Variants in DENND1A observed in about 807,000 individuals in gnomAD.
DENND1A encodes the protein DENN domain-containing protein 1A.
Under a neutral mutation model 113.7 loss-of-function variants are expected in DENND1A, and 51 were observed. That is an observed-to-expected ratio of 0.45 (90% CI 0.36 to 0.57). The LOEUF (loss-of-function observed/expected upper bound fraction) is 0.57. DENND1A is among the 20% of genes least tolerant of loss of function. The pLI is 0.00. For missense variants in DENND1A, 1,258 were observed against 1,395.9 expected (o/e 0.90, Z 1.57); for synonymous variants, 565 against 570.8 (o/e 0.99, Z 0.14).
chr9:123,497,971 C>T (rs957270950), intron 13 of DENND1A, among the ~76,000 whole-genome samples: 1 of 152,172 alleles, frequency 6.6e-6, no homozygotes, highest in Non-Finnish European at 1.5e-5. Context: ...GTTGTAATTA[C>T]TGTGCAAGGA....
At chr9:123,825,269 C>T (rs1013861568) in intron 2 of DENND1A, among the ~76,000 whole-genome samples, 2 of 151,030 alleles carry the variant, frequency 1.3e-5, no homozygotes, top group African/African-American at 4.9e-5. Context: ...TGAAAGTATT[C>T]GTGTTCCCAA....
At chr9:123,882,251 G>T (rs896492280) in intron 1 of DENND1A, among the ~76,000 whole-genome samples, 2 of 151,496 alleles carry the variant, frequency 1.3e-5, no homozygotes, top group Non-Finnish European at 2.9e-5. Flanking sequence ...CTACTGGAGA[G>T]GCCAACGCAG....
intron 13 of DENND1A, among the ~76,000 whole-genome samples, chr9:123,478,999 C>T (rs2050129962): frequency 6.6e-6 from 1 of 152,214 alleles, no homozygotes; most frequent in Non-Finnish European, 1.5e-5. Context: ...AGGCTAGGCA[C>T]TGCTTAAGCA....
intron 12 of DENND1A, among the ~76,000 whole-genome samples, chr9:123,566,006 C>G (rs1407391555): frequency 6.6e-6 from 1 of 152,086 alleles, no homozygotes; most frequent in African/African-American, 2.4e-5. Flanking sequence ...AACAAATGGC[C>G]TAGGTAGGCA....
At chr9:123,553,158 G>C (rs1309543295) in intron 13 of DENND1A, among the ~76,000 whole-genome samples, 1 of 152,194 alleles carries the variant, frequency 6.6e-6, no homozygotes, top group African/African-American at 2.4e-5. Flanking sequence ...CTGGGAGGCT[G>C]ATGTGGGAGG....
chr9:123,768,173 T>G (rs560519653), intron 4 of DENND1A, among the ~76,000 whole-genome samples: 3 of 152,190 alleles, frequency 2.0e-5, no homozygotes, highest in Admixed American at 2.0e-4. Context: ...TACTGAAATA[T>G]TCCTGGTACC....
At chr9:123,865,691 C>G (rs1323744665) in intron 2 of DENND1A, among the ~76,000 whole-genome samples, 1 of 152,170 alleles carries the variant, frequency 6.6e-6, no homozygotes, top group Non-Finnish European at 1.5e-5. Flanking sequence ...GTTTCTGAAT[C>G]CTCAAATGTG....
chr9:123,607,520 C>CAGAGAG (rs33997878), intron 11 of DENND1A, among the ~76,000 whole-genome samples: 6 of 73,876 alleles, frequency 8.1e-5, no homozygotes, highest in African/African-American at 3.4e-4. Context: ...CACACACACA[C>CAGAGAG]AGAGAGAGAG....
intron 19 of DENND1A, among the ~76,000 whole-genome samples, chr9:123,423,939 T>C (rs963832615): frequency 6.6e-6 from 1 of 152,188 alleles, no homozygotes; most frequent in Non-Finnish European, 1.5e-5. Context: ...CATAATACTG[T>C]ACATCATCCT....
At chr9:123,842,786 G>A (rs1842014536) in intron 2 of DENND1A, among the ~76,000 whole-genome samples, 1 of 152,128 alleles carries the variant, frequency 6.6e-6, no homozygotes, top group African/African-American at 2.4e-5. Context: ...CCAGTATTAT[G>A]CTGATACCAA....
intron 19 of DENND1A, among the ~76,000 whole-genome samples, chr9:123,415,727 A>C (rs1488374460): frequency 6.6e-6 from 1 of 152,170 alleles, no homozygotes; most frequent in Non-Finnish European, 1.5e-5. Context: ...CTGTGAGGCC[A>C]GTCACGAGGG....
chr9:123,656,207 G>A (rs373700200), intron 8 of DENND1A, among the ~76,000 whole-genome samples: 42 of 152,238 alleles, frequency 2.8e-4, no homozygotes, highest in African/African-American at 7.2e-4. Flanking sequence ...ACAGGGTGGG[G>A]AGAGGAGCGC....
chr9:123,711,300 A>G (rs2140940349), intron 5 of DENND1A, among the ~76,000 whole-genome samples: 1 of 151,200 alleles, frequency 6.6e-6, no homozygotes, highest in South Asian at 2.1e-4. Flanking sequence ...CCTTGTTTGT[A>G]CTAAAAATAC....
intron 5 of DENND1A, among the ~76,000 whole-genome samples, chr9:123,747,025 T>G (rs1251234721): frequency 6.6e-6 from 1 of 152,112 alleles, no homozygotes; most frequent in East Asian, 1.9e-4. Flanking sequence ...GGCTTGGGGT[T>G]GTTTTTGTTT....
intron 7 of DENND1A, among the ~76,000 whole-genome samples, chr9:123,670,964 C>T (rs2063735120): frequency 6.6e-6 from 1 of 152,164 alleles, no homozygotes; most frequent in South Asian, 2.1e-4. Context: ...GAGGGTGATA[C>T]AGGCAGGCTG....
Position 123,764,889 on chromosome 9 carries a change from C to T in DENND1A, c.182+4625G>A, listed in dbSNP as rs909063718. Among the ~76,000 whole-genome samples the T allele has an allele frequency of 2.0e-5, 3 of 152,132 alleles. No homozygotes were observed. The highest frequency in any genetic ancestry group is 7.2e-5 in the African/African-American group (3 of 41,422). On this transcript the variant is annotated intron_variant, in intron 4 of 23. Coordinates refer to ENST00000394215, the MANE Select transcript of DENND1A (RefSeq NM_001352964.2). The surrounding 1 kb of genome is among the most constrained non-coding windows in gnomAD (Gnocchi z 4.1). ...TGCTTGCTGCCTACAATAGTCTGTC[C>T]ACTAAGGCCCAGCTGCTTCGTTGTC...
Position 123,586,351 on chromosome 9 carries a change from C to T in DENND1A, c.766-3081G>A, listed in dbSNP as rs1438339076. Among the ~76,000 whole-genome samples, 5 of 152,154 alleles carry T rather than the reference C, an allele frequency of 3.3e-5. No individual in the cohort carries two copies. The East Asian group carries it at 5.8e-4, about 18-fold the overall frequency. ...CAGACCAGCCCTTGTAGGCTCTCCA[C>T]GGCTGGGCTGGAATAGGCTTTTGAT... On this transcript the variant is annotated intron_variant, in intron 11 of 23. Coordinates refer to ENST00000394215, the MANE Select transcript of DENND1A (RefSeq NM_001352964.2).
chr9:123,582,773 C>T (rs1190583710), intron 12 of DENND1A, among the ~76,000 whole-genome samples: 1 of 152,010 alleles, frequency 6.6e-6, no homozygotes, highest in Non-Finnish European at 1.5e-5. Context: ...AATCTCAGCT[C>T]AATGCAACCT....
At position 123,639,774 on chromosome 9, in the gene DENND1A, T is replaced by A. The variant is rs1421843897; in HGVS notation, c.619-9298A>T. Reference sequence around the variant, plus strand: ...CCTGGGCAACAAGAACGAAACTCCATCTCAAAAAAAAAAAAAAAAAAAACA... The same window carrying A: ...CCTGGGCAACAAGAACGAAACTCCAACTCAAAAAAAAAAAAAAAAAAAACA... On this transcript the variant is annotated intron_variant, in intron 9 of 23. Transcript: ENST00000394215. 2.2e-3 allele frequency among the ~76,000 whole-genome samples: 204 copies of A among 92,896 alleles called. 1 individual carries two copies. The highest frequency in any genetic ancestry group is 8.6e-3 in the African/African-American group (184 of 21,316). 60.9% of individuals were successfully genotyped at this position (92,896 alleles called of 152,430 possible).
Sources: gnomAD v4.1 joint callset for allele counts (sites outside exome capture counted in the v4.1 genomes callset) on GRCh38, gnomAD v4.1.1 for gene constraint, Gnocchi (gnomAD v3.1) non-coding constraint, MANE v1.5 for transcripts, NCBI Gene and HGNC (gene_info 2026-07-23, HGNC 2026-07-21) for gene names.